Variants in C2orf69 observed in about 807,000 individuals in gnomAD.
The protein encoded by C2orf69 is mitochondrial protein C2orf69.
Under a neutral mutation model 29.5 loss-of-function variants are expected in C2orf69, and 19 were observed. That is an observed-to-expected ratio of 0.65 (90% CI 0.45 to 0.95). C2orf69 has a LOEUF of 0.95. Ranked by LOEUF, C2orf69 falls within the 40% of genes least tolerant of loss-of-function variation. The pLI is 0.00. For synonymous variants in C2orf69, 194 were observed against 180.0 expected (o/e 1.08, Z -0.62); for missense variants, 416 against 482.1 (o/e 0.86, Z 1.28).
At chr2:199,912,169 G>T (rs2077266406) in intron 1 of C2orf69, among the ~76,000 whole-genome samples, 1 of 152,214 alleles carries the variant, frequency 6.6e-6, no homozygotes, top group Admixed American at 6.5e-5. Flanking sequence ...AGCACGTAGT[G>T]TTTAGAAAAC....
chr2:199,919,474 G>C (rs1277483212), intron 1 of C2orf69, among the ~76,000 whole-genome samples: 1 of 152,132 alleles, frequency 6.6e-6, no homozygotes, highest in African/African-American at 2.4e-5. Context: ...AGCTCTCTTA[G>C]GCTGGACCCT....
chr2:199,917,719 C>G (rs746526392), intron 1 of C2orf69, among the ~76,000 whole-genome samples: 23 of 152,204 alleles, frequency 1.5e-4, no homozygotes, highest in Non-Finnish European at 3.1e-4. Flanking sequence ...CTGTTTTCTT[C>G]TGAGCCCTAC....
At chr2:199,915,160 T>TC (rs2077288575) in intron 1 of C2orf69, among the ~76,000 whole-genome samples, 2 of 152,262 alleles carry the variant, frequency 1.3e-5, no homozygotes, top group African/African-American at 4.8e-5. Flanking sequence ...TCATCTGTAT[T>TC]TTTGTACTTG....
intron 1 of C2orf69, among the ~76,000 whole-genome samples, chr2:199,920,953 CAAAAAAAAA>C (rs1284333280): frequency 6.5e-5 from 3 of 45,898 alleles, no homozygotes; most frequent in African/African-American, 2.8e-4. Context: ...CTGAGACTCT[CAAAAAAAAA>C]AAAAAAAAAA....
intron 1 of C2orf69, among the ~76,000 whole-genome samples, chr2:199,914,671 C>T (rs547745116): frequency 6.6e-6 from 1 of 152,130 alleles, no homozygotes; most frequent in African/African-American, 2.4e-5. Context: ...ACTTGGTCTC[C>T]TTTTTCTGTT....
chr2:199,920,609 T>C (rs1274652638), intron 1 of C2orf69, among the ~76,000 whole-genome samples: 1 of 152,094 alleles, frequency 6.6e-6, no homozygotes, highest in Non-Finnish European at 1.5e-5. Context: ...GATAATTGGA[T>C]ATATCATTAA....
chr2:199,924,597 A>G (rs1042521512), intron 1 of C2orf69, among the ~76,000 whole-genome samples: 7 of 152,190 alleles, frequency 4.6e-5, no homozygotes, highest in Non-Finnish European at 1.0e-4. Context: ...AATTGAACAT[A>G]GTGTTCAGGT....
At position 199,926,821 on chromosome 2, in the gene C2orf69, A is replaced by G. The variant is rs1429803360; in HGVS notation, c.*935A>G. ...TATGTATATTGGATAAAAATGTACT[A>G]CAGAGCAAATTTCAAATTTTTCATT... On this transcript the variant is annotated 3_prime_UTR_variant, in exon 2 of 2. Coordinates refer to ENST00000319974, the MANE Select transcript of C2orf69 (RefSeq NM_153689.6). The G allele has an allele frequency of 6.6e-6, 1 of 152,658 alleles. No individual in the cohort carries two copies. Among genetic ancestry groups the G allele is most frequent in the Non-Finnish European group, 1.5e-5 (1 of 68,038 alleles). 9.5% of individuals were successfully genotyped at this position (152,658 alleles called of 1,614,324 possible). A position where few individuals can be genotyped will look rare whatever the true frequency, so the allele number is the denominator to read the frequency against.
At chr2:199,912,702 G>A (rs1054705057) in intron 1 of C2orf69, among the ~76,000 whole-genome samples, 9 of 152,016 alleles carry the variant, frequency 5.9e-5, no homozygotes, top group South Asian at 2.1e-4. Context: ...GTGCAGTGGC[G>A]CAGTCTCGAC....
Position 199,925,438 on chromosome 2 carries a change from C to G in C2orf69, c.710C>G (p.Thr237Ser). ...TNGCQGEKVR[T>S]CEKSDESAMS... ...GGTTGCCAGGGAGAAAAAGTGAGGA[C>G]CTGTGAAAAATCTGATGAGTCTGCC... Residue 237 changes from threonine (T) to serine (S), a missense_variant, in exon 2 of 2, where the codon ACC becomes AGC. By Grantham distance (58) the Thr-to-Ser change is moderately conservative (BLOSUM62 1). Coordinates refer to ENST00000319974, the MANE Select transcript of C2orf69 (RefSeq NM_153689.6). The surrounding 1 kb of genome is among the most constrained non-coding windows in gnomAD (Gnocchi z 4.9). The G allele has an allele frequency of 6.2e-7, 1 of 1,613,778 alleles. No homozygotes were observed. The highest frequency in any genetic ancestry group is 1.3e-5 in the African/African-American group (1 of 75,020).
At chr2:199,924,547 A>G (rs1480225994) in intron 1 of C2orf69, among the ~76,000 whole-genome samples, 3 of 152,358 alleles carry the variant, frequency 2.0e-5, no homozygotes, top group Admixed American at 6.5e-5. Context: ...AGAGTTTTCT[A>G]TAATGTTTAT....
chr2:199,913,200 A>ATATT (rs1304840927), intron 1 of C2orf69, among the ~76,000 whole-genome samples: 2 of 98,632 alleles, frequency 2.0e-5, no homozygotes, highest in African/African-American at 8.3e-5. Context: ...TATTATATAT[A>ATATT]ATATATAATA....
chr2:199,919,794 A>T (rs2077306877), intron 1 of C2orf69, among the ~76,000 whole-genome samples: 1 of 152,254 alleles, frequency 6.6e-6, no homozygotes, highest in Admixed American at 6.5e-5. Context: ...TAAGTTTACA[A>T]AACATGAACT....
Position 199,925,916 on chromosome 2 carries a change from G to T in C2orf69, c.*30G>T. ...ACAGGTATATTAATGAACTTGTTCA[G>T]TGGAAGAACATAAGCACTTTTGAGT... On this transcript the variant is annotated 3_prime_UTR_variant, in exon 2 of 2. Coordinates refer to ENST00000319974, the MANE Select transcript of C2orf69 (RefSeq NM_153689.6). This position sits in a 1 kb window ranked among gnomAD's most constrained non-coding sequence, Gnocchi z 4.9. 1 of 1,431,572 alleles carries T rather than the reference G, an allele frequency of 7.0e-7. No homozygotes were observed. Among genetic ancestry groups the T allele is most frequent in the South Asian group, 1.2e-5 (1 of 82,462 alleles). The allele number at this position is 1,431,572 out of a possible 1,614,324, so 88.7% of individuals were successfully genotyped here. A position where few individuals can be genotyped will look rare whatever the true frequency, so the allele number is the denominator to read the frequency against.
intron 1 of C2orf69, among the ~76,000 whole-genome samples, chr2:199,915,647 C>G (rs1418563606): frequency 6.6e-6 from 1 of 152,022 alleles, no homozygotes; most frequent in African/African-American, 2.4e-5. Context: ...GCTGGGACTA[C>G]AGGAGCATGC....
chr2:199,918,554 G>T (rs1326021506), intron 1 of C2orf69, among the ~76,000 whole-genome samples: 1 of 152,038 alleles, frequency 6.6e-6, no homozygotes. Context: ...TAGAGACGGG[G>T]TTTCACCATG....
intron 1 of C2orf69, among the ~76,000 whole-genome samples, chr2:199,913,460 T>G (rs1311254988): frequency 3.5e-5 from 2 of 56,848 alleles, no homozygotes; most frequent in African/African-American, 1.5e-4. Context: ...TATTCTATTA[T>G]ATAAAATATA....
At chr2:199,915,496 G>A (rs2077289443) in intron 1 of C2orf69, among the ~76,000 whole-genome samples, 1 of 151,794 alleles carries the variant, frequency 6.6e-6, no homozygotes, top group African/African-American at 2.4e-5. Flanking sequence ...AGTATTAGAA[G>A]CTTTGCCTAT....
intron 1 of C2orf69, among the ~76,000 whole-genome samples, chr2:199,921,188 G>A (rs1200173368): frequency 2.0e-5 from 3 of 151,502 alleles, no homozygotes; most frequent in South Asian, 4.2e-4. Flanking sequence ...TGTATTTTTA[G>A]TAGAGACGGG....
Sources: gnomAD v4.1 joint callset for allele counts (sites outside exome capture counted in the v4.1 genomes callset) on GRCh38, gnomAD v4.1.1 for gene constraint, Gnocchi (gnomAD v3.1) non-coding constraint, MANE v1.5 for transcripts, NCBI Gene and HGNC (gene_info 2026-07-23, HGNC 2026-07-21) for gene names.